Variants in SYT1 observed in about 807,000 individuals in gnomAD.
SYT1 encodes the protein synaptotagmin-1.
SYT1 carries 8 observed loss-of-function variants against 44.8 expected under a neutral mutation model. The ratio of observed to expected loss-of-function variants is 0.18; its 90% CI spans 0.10 to 0.32. The LOEUF (loss-of-function observed/expected upper bound fraction) is 0.32, where lower values mean the gene tolerates loss of function less well. SYT1 is among the 10% of genes least tolerant of loss of function. The pLI is 1.00. For synonymous variants in SYT1, 154 were observed against 188.8 expected (o/e 0.82, Z 1.51); for missense variants, 286 against 509.3 (o/e 0.56, Z 4.22).
rs371778073 is a variant in SYT1, at chr12:79,448,897, T to G, written c.1063-21T>G. On this transcript the variant is annotated intron_variant, in intron 10 of 10. Coordinates refer to ENST00000261205, the MANE Select transcript of SYT1 (RefSeq NM_005639.3). ...ATCTCTAGAGCTAGATGATTCATAT[T>G]CATTTCATGGCTTCTTTCAGAAAGT... The G allele has an allele frequency of 2.9e-5, 46 of 1,612,656 alleles. No homozygotes were observed. The South Asian group carries it at 4.7e-4, about 17-fold the overall frequency.
At chr12:78,872,132 G>A (rs1049345690) in intron 1 of SYT1, among the ~76,000 whole-genome samples, 2 of 151,838 alleles carry the variant, frequency 1.3e-5, no homozygotes, top group Admixed American at 6.6e-5. Flanking sequence ...AGCTACATCT[G>A]AGCCTGATAA....
chr12:78,992,198 T>C (rs1477322892), intron 2 of SYT1, among the ~76,000 whole-genome samples: 2 of 152,234 alleles, frequency 1.3e-5, no homozygotes, highest in East Asian at 3.8e-4. Flanking sequence ...GAAACAGTTA[T>C]GCTCAGACAC....
chr12:79,412,059 GA>G (rs1868464825), intron 9 of SYT1, among the ~76,000 whole-genome samples: 1 of 152,152 alleles, frequency 6.6e-6, no homozygotes, highest in South Asian at 2.1e-4. Flanking sequence ...AAAAGCTTTA[GA>G]GCAGAAAGAA....
At chr12:79,379,938 C>T (rs928197223) in intron 9 of SYT1, among the ~76,000 whole-genome samples, 1 of 152,160 alleles carries the variant, frequency 6.6e-6, no homozygotes, top group Non-Finnish European at 1.5e-5. Context: ...CTGAAGGTTA[C>T]ACCCGAGAGC....
chr12:79,128,704 C>T (rs1868603990), intron 3 of SYT1, among the ~76,000 whole-genome samples: 1 of 152,220 alleles, frequency 6.6e-6, no homozygotes, highest in South Asian at 2.1e-4. Flanking sequence ...GTGCAACAAA[C>T]CACCATGGCA....
intron 4 of SYT1, among the ~76,000 whole-genome samples, chr12:79,221,098 G>C (rs1157792335): frequency 6.6e-6 from 1 of 152,034 alleles, no homozygotes. Flanking sequence ...ATATTTAGGT[G>C]CTCCAATGTT....
At chr12:79,078,896 A>G (rs537833513) in intron 3 of SYT1, among the ~76,000 whole-genome samples, 22 of 152,316 alleles carry the variant, frequency 1.4e-4, no homozygotes, top group African/African-American at 4.3e-4. Flanking sequence ...CTTATGATGT[A>G]TGGTGTGACT....
At chr12:79,348,264 T>C (rs1882693563) in intron 8 of SYT1, among the ~76,000 whole-genome samples, 1 of 152,174 alleles carries the variant, frequency 6.6e-6, no homozygotes, top group Non-Finnish European at 1.5e-5. Context: ...GCAGAGAGGC[T>C]ATTATGAGGC....
intron 3 of SYT1, among the ~76,000 whole-genome samples, chr12:79,048,671 A>C (rs1400468072): frequency 6.6e-6 from 1 of 151,922 alleles, no homozygotes; most frequent in Non-Finnish European, 1.5e-5. Context: ...AATTAACTCT[A>C]AATGTATGAA....
intron 3 of SYT1, among the ~76,000 whole-genome samples, chr12:79,114,685 C>T (rs1879185030): frequency 6.6e-6 from 1 of 152,102 alleles, no homozygotes; most frequent in South Asian, 2.1e-4. Flanking sequence ...GAAGTATATT[C>T]CCAAAATACA....
At chr12:79,446,026 T>TAC in intron 10 of SYT1, among the ~76,000 whole-genome samples, 5 of 130,250 alleles carry the variant, frequency 3.8e-5, no homozygotes, top group South Asian at 2.4e-4. Flanking sequence ...TATATATATA[T>TAC]ATATATATTA....
intron 2 of SYT1, among the ~76,000 whole-genome samples, chr12:79,015,150 A>T (rs1223517475): frequency 6.6e-6 from 1 of 152,068 alleles, no homozygotes; most frequent in Non-Finnish European, 1.5e-5. Context: ...AGCATGGCAC[A>T]TGTATACATA....
chr12:78,936,802 G>A (rs191176005), intron 1 of SYT1, among the ~76,000 whole-genome samples: 204 of 152,172 alleles, frequency 1.3e-3, no homozygotes, highest in African/African-American at 3.8e-3. Flanking sequence ...CAGTGGTGGG[G>A]GAATGTTAAG....
intron 8 of SYT1, among the ~76,000 whole-genome samples, chr12:79,338,610 C>G (rs1263020409): frequency 6.6e-6 from 1 of 150,436 alleles, no homozygotes; most frequent in Non-Finnish European, 1.5e-5. Flanking sequence ...CAATCCCTCC[C>G]TGCCTCCCTC....
chr12:79,341,664 T>C (rs1025639574), intron 8 of SYT1, among the ~76,000 whole-genome samples: 3 of 108,904 alleles, frequency 2.8e-5, no homozygotes, highest in Non-Finnish European at 3.4e-5. Context: ...TTCATTCTTT[T>C]TTTTTTTTTT....
At chr12:78,996,926 TGTGAGCTAATCTCA>T (rs1251457016) in intron 2 of SYT1, among the ~76,000 whole-genome samples, 3 of 152,202 alleles carry the variant, frequency 2.0e-5, no homozygotes, top group Non-Finnish European at 4.4e-5. Flanking sequence ...ATAGAAACCA[TGTGAGCTAATCTCA>T]GTGATTTTTA....
chr12:79,018,338 C>T lies in SYT1; in HGVS notation c.-83-28959C>T, dbSNP rs929129473. Among the ~76,000 whole-genome samples the T allele has an allele frequency of 1.2e-4, 9 of 76,964 alleles. 1 individual carries two copies. The highest frequency in any genetic ancestry group is 5.5e-4 in the Admixed American group (3 of 5,422). 50.5% of individuals were successfully genotyped at this position (76,964 alleles called of 152,430 possible). A position where few individuals can be genotyped will look rare whatever the true frequency, so the allele number is the denominator to read the frequency against. On this transcript the variant is annotated intron_variant, in intron 2 of 10. Coordinates refer to ENST00000261205, the MANE Select transcript of SYT1 (RefSeq NM_005639.3). Reference sequence around the variant, plus strand: ...GAAGGGGAACATCACACACCAGGGACGGTTGTGGGGTAGGGGAGGGGGGAG... The same window carrying T: ...GAAGGGGAACATCACACACCAGGGATGGTTGTGGGGTAGGGGAGGGGGGAG...
chr12:79,217,723 G>T (rs773000052), intron 4 of SYT1, 38 bp downstream of exon 4: 4 of 1,542,864 alleles, frequency 2.6e-6, no homozygotes, highest in Non-Finnish European at 3.5e-6. Context: ...AAAAATAAGT[G>T]GTTGAAAAAT....
chr12:79,029,462 A>G (rs866865850), intron 2 of SYT1, among the ~76,000 whole-genome samples: 5 of 151,172 alleles, frequency 3.3e-5, no homozygotes, highest in African/African-American at 1.2e-4. Context: ...CAGAAAGGGT[A>G]AATAAAATAA....
Sources: allele counts gnomAD v4.1 joint callset (sites outside exome capture counted in the v4.1 genomes callset), GRCh38; gene constraint gnomAD v4.1.1; transcripts MANE v1.5; gene names NCBI Gene and HGNC (gene_info 2026-07-23, HGNC 2026-07-21).